Variants in RSAD1 observed in about 807,000 individuals in gnomAD.
The protein encoded by RSAD1 is radical S-adenosyl methionine domain containing 1.
Under a neutral mutation model 46.2 loss-of-function variants are expected in RSAD1, and 34 were observed. The observed-to-expected ratio is 0.74, with a 90% CI of 0.56 to 0.98. RSAD1 has a LOEUF of 0.98. Among genes scored for constraint, RSAD1 ranks in the 50% least tolerant of loss-of-function variants. RSAD1 has a pLI of 0.00. For missense variants in RSAD1, 635 were observed against 592.3 expected (o/e 1.07, Z -0.75); for synonymous variants, 260 against 253.5 (o/e 1.03, Z -0.24).
At position 50,484,726 on chromosome 17, in the gene RSAD1, G is replaced by A. The variant is rs1453904479; in HGVS notation, c.1212-18G>A. ...TGGTAAGATGAAGTAGTCACCTTCA[G>A]GCCTCTTGGTTTTCCAGGGGTCTTC... On this transcript the variant is annotated intron_variant, in intron 8 of 8. Coordinates refer to ENST00000258955, the MANE Select transcript of RSAD1 (RefSeq NM_018346.3). 1 of 1,607,964 alleles carries A rather than the reference G, an allele frequency of 6.2e-7. No individual in the cohort carries two copies. The highest frequency in any genetic ancestry group is 1.3e-5 in the African/African-American group (1 of 74,732).
chr17:50,478,868 G>GCGCTC lies in RSAD1; in HGVS notation c.-13_-12insCCGCT, dbSNP rs936827061. 4.1e-5 allele frequency: 50 copies of GCGCTC among 1,218,088 alleles called. No homozygotes were observed. Among genetic ancestry groups the GCGCTC allele is most frequent in the Middle Eastern group, 6.3e-4 (2 of 3,180 alleles). 75.5% of individuals were successfully genotyped at this position (1,218,088 alleles called of 1,614,324 possible). A position where few individuals can be genotyped will look rare whatever the true frequency, so the allele number is the denominator to read the frequency against. ...CGTCTCCTGCTCGGGTCAGTGCGCC[G>GCGCTC]CGCTGCGCTGGGCGCCATGGCGCTC... On this transcript the variant is annotated 5_prime_UTR_variant, in exon 1 of 9. Coordinates refer to ENST00000258955, the MANE Select transcript of RSAD1 (RefSeq NM_018346.3).
chr17:50,484,130 C>T, intron 7 of RSAD1: 1 of 438,510 alleles, frequency 2.3e-6, no homozygotes, highest in Non-Finnish European at 4.1e-6. Flanking sequence ...AGATAATTAT[C>T]AAGCAAATCC....
chr17:50,483,557 C>T, intron 6 of RSAD1, 70 bp downstream of exon 6: 1 of 1,590,168 alleles, frequency 6.3e-7, no homozygotes, highest in Non-Finnish European at 8.6e-7. Context: ...ATTTGTATAT[C>T]TTTTATTTCC....
At chr17:50,480,213 A>G in intron 3 of RSAD1, 129 bp downstream of exon 3, 1 of 854,852 alleles carries the variant, frequency 1.2e-6, no homozygotes, top group Non-Finnish European at 1.9e-6. Flanking sequence ...AGTAGGGCCT[A>G]GTGCGACACT....
chr17:50,485,742 A>G lies in RSAD1; in HGVS notation c.*881A>G, dbSNP rs1180385340. 1 of 152,256 alleles carries G rather than the reference A, an allele frequency of 6.6e-6. No individual in the cohort carries two copies. The highest frequency in any genetic ancestry group is 1.9e-4 in the East Asian group (1 of 5,208). 9.4% of individuals were successfully genotyped at this position (152,256 alleles called of 1,614,324 possible). A position where few individuals can be genotyped will look rare whatever the true frequency, so the allele number is the denominator to read the frequency against. ...GCAAGCCTTGCCTCTTATCTTCGGG[A>G]AACCAGAATATGTTTGGGGTGGTAG... is the stretch of plus-strand genomic sequence containing the variant. On this transcript the variant is annotated 3_prime_UTR_variant, in exon 9 of 9. Coordinates refer to ENST00000258955, the MANE Select transcript of RSAD1 (RefSeq NM_018346.3).
At chr17:50,479,385 C>A in intron 1 of RSAD1, 5 of 530,976 alleles carry the variant, frequency 9.4e-6, no homozygotes, top group Non-Finnish European at 1.6e-5. Context: ...GGGTTGAATT[C>A]CTTCCTGACG....
At position 50,483,358 on chromosome 17, in the gene RSAD1, T is replaced by G; in HGVS notation, c.923T>G (p.Met308Arg). ...TTGTCAGGGGCCCATGGACGATTTA[T>G]GCCCCAGGGGGCTGGAGGCCACACC... ...GVGPGAHGRF[M>R]PQGAGGHTRE... is the part of the protein sequence containing the mutation. The change falls in exon 6 of 9, where the codon ATG becomes AGG. Residue 308 changes from methionine to arginine, a missense_variant. Physicochemically the swap from Met to Arg is moderately conservative, Grantham distance 91 (BLOSUM62 -1). Transcript: ENST00000258955. 1 of 1,614,022 alleles carries G rather than the reference T, an allele frequency of 6.2e-7. No individual in the cohort carries two copies. The highest frequency in any genetic ancestry group is 8.5e-7 in the Non-Finnish European group (1 of 1,179,976).
chr17:50,479,658 C>A lies in RSAD1; in HGVS notation c.165C>A (p.Tyr55Ter), dbSNP rs1179091911. The A allele has an allele frequency of 2.5e-6, 4 of 1,613,948 alleles. No homozygotes were observed. Among genetic ancestry groups the A allele is most frequent in the African/African-American group, 1.3e-5 (1 of 75,068 alleles). ...HWPYCEKRCS[Y>*]CNFNKYIPRR... Reference sequence around the variant, plus strand: ...CTTACTGCGAGAAGCGCTGCAGTTACTGCAACTTCAACAAGTACATCCCTC... The same window carrying A: ...CTTACTGCGAGAAGCGCTGCAGTTAATGCAACTTCAACAAGTACATCCCTC... The change falls in exon 2 of 9, where the codon TAC becomes TAA. Residue 55 changes from tyrosine to a stop codon, truncating the protein, a stop_gained. Transcript: ENST00000258955. LOFTEE classifies it high-confidence loss of function.
intron 3 of RSAD1, among the ~76,000 whole-genome samples, chr17:50,481,616 TAAC>T (rs1284463648): frequency 6.6e-6 from 1 of 152,250 alleles, no homozygotes; most frequent in Non-Finnish European, 1.5e-5. Context: ...TTCAGCATAA[TAAC>T]AGGTATGTAT....
rs766656643 is a variant in RSAD1 at position 50,483,351 on chromosome 17, C to G, written c.916C>G (p.Arg306Gly). ...YLGVGPGAHGRFMPQGAGGHT... is the reference protein window; with the variant it reads ...YLGVGPGAHGGFMPQGAGGHT... ...GTTGATGTTGTCAGGGGCCCATGGA[C>G]GATTTATGCCCCAGGGGGCTGGAGG... is the stretch of plus-strand genomic sequence containing the variant. The change falls in exon 6 of 9, where the codon CGA (arginine) becomes GGA (glycine). Residue 306 changes from arginine to glycine, a missense_variant. Arg to Gly is a moderately radical substitution (Grantham distance 125, BLOSUM62 -2). Coordinates refer to ENST00000258955, the MANE Select transcript of RSAD1 (RefSeq NM_018346.3). The G allele has an allele frequency of 2.5e-6, 4 of 1,613,728 alleles. No homozygotes were observed.
In RSAD1 at chr17:50,485,779, A is replaced by G. The variant is rs2033445168; in HGVS notation, c.*918A>G. Reference sequence around the variant, plus strand: ...GTTTGGGGTGGTAGGAGCCACACAGACTCTTCTGAGCCCCCTCACTCACTT... The same window carrying G: ...GTTTGGGGTGGTAGGAGCCACACAGGCTCTTCTGAGCCCCCTCACTCACTT... On this transcript the variant is annotated 3_prime_UTR_variant, in exon 9 of 9. Coordinates refer to ENST00000258955, the MANE Select transcript of RSAD1 (RefSeq NM_018346.3). 1 of 151,986 alleles carries G rather than the reference A, an allele frequency of 6.6e-6. No individual in the cohort carries two copies. The highest frequency in any genetic ancestry group is 2.1e-4 in the South Asian group (1 of 4,818). The allele number at this position is 151,986 out of a possible 1,614,324, so 9.4% of individuals were successfully genotyped here. A position where few individuals can be genotyped will look rare whatever the true frequency, so the allele number is the denominator to read the frequency against.
In RSAD1 at chr17:50,479,721, G is replaced by T; in HGVS notation, c.228G>T (p.Val76=). Residue 76 remains valine, a synonymous_variant, in exon 2 of 9, where the codon GTG becomes GTT. Transcript: ENST00000258955. Reference sequence around the variant, plus strand: ...AGGCTGCCATGCAGAAGTGTCTGGTGACCGAAGCTCAGACGCTGCTGCGGC... The same window carrying T: ...AGGCTGCCATGCAGAAGTGTCTGGTTACCGAAGCTCAGACGCTGCTGCGGC... ...LEEAAMQKCL[V]TEAQTLLRLS... is the part of the protein sequence containing the mutation. 1 of 1,613,298 alleles carries T rather than the reference G, an allele frequency of 6.2e-7. No homozygotes were observed. The highest frequency in any genetic ancestry group is 1.1e-5 in the South Asian group (1 of 90,922).
Position 50,483,191 on chromosome 17 carries a change from AAGAAAG to A in RSAD1, c.905-147_905-142del, listed in dbSNP as rs67745164. The A allele has an allele frequency of 2.6e-3, 2,092 of 806,354 alleles. 51 individuals carry two copies. In the African/African-American group the frequency reaches 0.044, roughly 17 times the overall value. 49.9% of individuals were successfully genotyped at this position (806,354 alleles called of 1,614,324 possible). On this transcript the variant is annotated intron_variant, in intron 5 of 8. Coordinates refer to ENST00000258955, the MANE Select transcript of RSAD1 (RefSeq NM_018346.3). ...CCACCTCAAAAAAAAAAAAAAAAAA[AAGAAAG>A]AAAGAAAGAAAGAAAAGAAAAGAAA... is the stretch of plus-strand genomic sequence containing the variant.
intron 3 of RSAD1, among the ~76,000 whole-genome samples, chr17:50,481,499 C>A (rs1053317030): frequency 3.9e-5 from 6 of 152,194 alleles, no homozygotes; most frequent in Non-Finnish European, 8.8e-5. Context: ...ATTTAAATAA[C>A]CACATGTGGC....
At position 50,484,444 on chromosome 17, in the gene RSAD1, C is replaced by T. The variant is rs1236838789; in HGVS notation, c.1110C>T (p.His370=). Residue 370 remains histidine, a splice_region_variant and synonymous_variant, in exon 8 of 9, where the codon CAC becomes CAT. Transcript: ENST00000258955. ...LRTDVGITHQ[H]WQQFEPQLTL... is the part of the protein sequence containing the mutation. ...CTCTGACCCTCTGGCTTCCCCAGCA[C>T]TGGCAGCAGTTTGAGCCCCAGCTGA... 7 of 1,613,306 alleles carry T rather than the reference C, an allele frequency of 4.3e-6. No homozygotes were observed. The highest frequency in any genetic ancestry group is 5.1e-6 in the Non-Finnish European group (6 of 1,179,870).
At chr17:50,481,875 G>A (rs899964067) in intron 3 of RSAD1, among the ~76,000 whole-genome samples, 6 of 152,152 alleles carry the variant, frequency 3.9e-5, no homozygotes, top group Non-Finnish European at 5.9e-5. Context: ...ATATTGGAGG[G>A]TTACAAAGAT....
At chr17:50,480,536 G>T in intron 3 of RSAD1, 1 of 198,784 alleles carries the variant, frequency 5.0e-6, no homozygotes, top group Non-Finnish European at 1.1e-5. Context: ...ACCAGGTGAG[G>T]GGGTGTGGGG....
intron 3 of RSAD1, among the ~76,000 whole-genome samples, chr17:50,480,948 T>C (rs2033374596): frequency 6.6e-6 from 1 of 152,164 alleles, no homozygotes; most frequent in Non-Finnish European, 1.5e-5. Flanking sequence ...TCTTAACAAG[T>C]TTTTAAATGT....
chr17:50,483,285 G>A (rs2143836618), intron 5 of RSAD1, 55 bp from the exon 6 acceptor site: 2 of 1,567,580 alleles, frequency 1.3e-6, no homozygotes, highest in East Asian at 2.3e-5. Flanking sequence ...TTTAAATCTG[G>A]TAAACACATA....
Sources: gnomAD v4.1 joint callset for allele counts (sites outside exome capture counted in the v4.1 genomes callset) on GRCh38, gnomAD v4.1.1 for gene constraint, MANE v1.5 for transcripts, NCBI Gene and HGNC (gene_info 2026-07-23, HGNC 2026-07-21) for gene names.